CAP2: variants seen among roughly 807,000 people sequenced by gnomAD.
The protein encoded by CAP2 is cyclase associated actin cytoskeleton regulatory protein 2.
A neutral mutation model predicts 57.7 loss-of-function variants in CAP2; 24 were observed. The ratio of observed to expected loss-of-function variants is 0.42; its 90% CI spans 0.30 to 0.58. The LOEUF (loss-of-function observed/expected upper bound fraction) is 0.58. CAP2 is among the 20% of genes least tolerant of loss of function. CAP2 has a pLI of 0.22. For synonymous variants in CAP2, 194 were observed against 207.2 expected (o/e 0.94, Z 0.55); for missense variants, 501 against 590.3 (o/e 0.85, Z 1.57).
chr6:17,501,226 T>C (rs1461460920), intron 4 of CAP2, among the ~76,000 whole-genome samples: 1 of 152,216 alleles, frequency 6.6e-6, no homozygotes, highest in African/African-American at 2.4e-5. Context: ...TCGCCATTAC[T>C]TAAAAAGTAA....
chr6:17,410,714 C>T (rs748043289), intron 1 of CAP2, among the ~76,000 whole-genome samples: 34 of 151,992 alleles, frequency 2.2e-4, no homozygotes, highest in African/African-American at 3.1e-4. Context: ...ACCGCCACCA[C>T]GCCTGGTCAA....
chr6:17,413,019 G>C (rs938993478), intron 1 of CAP2, among the ~76,000 whole-genome samples: 1 of 152,138 alleles, frequency 6.6e-6, no homozygotes, highest in African/African-American at 2.4e-5. Context: ...GGTAGGACAC[G>C]TTTGGGACTT....
intron 4 of CAP2, among the ~76,000 whole-genome samples, chr6:17,482,642 T>C (rs1367109863): frequency 6.6e-6 from 1 of 152,122 alleles, no homozygotes; most frequent in Admixed American, 6.6e-5. Flanking sequence ...ATCTGGTGTT[T>C]CGTGGCTTGT....
At chr6:17,478,348 G>T (rs1396882245) in intron 4 of CAP2, among the ~76,000 whole-genome samples, 2 of 146,768 alleles carry the variant, frequency 1.4e-5, no homozygotes, top group Non-Finnish European at 3.0e-5. Context: ...GTCTCACTAG[G>T]TTGGCCAGGC....
chr6:17,504,961 A>G (rs1034167139), intron 4 of CAP2, among the ~76,000 whole-genome samples: 1 of 152,190 alleles, frequency 6.6e-6, no homozygotes, highest in Non-Finnish European at 1.5e-5. Flanking sequence ...AGCTTCTCAT[A>G]TCTTGAATGC....
At chr6:17,394,449 A>T (rs1362778134) in intron 1 of CAP2, among the ~76,000 whole-genome samples, 3 of 152,094 alleles carry the variant, frequency 2.0e-5, no homozygotes, top group Non-Finnish European at 4.4e-5. Flanking sequence ...CTTTATTCTC[A>T]TCAGAGTGGT....
At chr6:17,399,000 A>G (rs764372205) in intron 1 of CAP2, among the ~76,000 whole-genome samples, 1 of 152,094 alleles carries the variant, frequency 6.6e-6, no homozygotes, top group Non-Finnish European at 1.5e-5. Flanking sequence ...CCACCATTCT[A>G]CTTTCTGTCC....
intron 3 of CAP2, among the ~76,000 whole-genome samples, chr6:17,450,461 A>T (rs2113577362): frequency 6.6e-6 from 1 of 152,318 alleles, no homozygotes; most frequent in Non-Finnish European, 1.5e-5. Context: ...AGGTCACCTT[A>T]ACTGAAACCA....
At chr6:17,552,619 G>A (rs1217882239) in intron 12 of CAP2, among the ~76,000 whole-genome samples, 1 of 152,178 alleles carries the variant, frequency 6.6e-6, no homozygotes, top group Non-Finnish European at 1.5e-5. Context: ...GCGACAGAGT[G>A]AGACTCAGTC....
At chr6:17,426,232 T>G in intron 2 of CAP2, among the ~76,000 whole-genome samples, 1 of 112,270 alleles carries the variant, frequency 8.9e-6, no homozygotes, top group East Asian at 2.1e-4. Flanking sequence ...CCAGGTTTTC[T>G]TTTTTTTTTT....
At position 17,442,339 on chromosome 6, in the gene CAP2, C is replaced by G. The variant is rs564504143; in HGVS notation, c.222+15649C>G. On this transcript the variant is annotated intron_variant, in intron 3 of 12. Coordinates refer to ENST00000229922, the MANE Select transcript of CAP2 (RefSeq NM_006366.3). Reference sequence around the variant, plus strand: ...AATCTGCACATGATGATGTTCGCCGCCAGGAAACCTGTGGAGCACCTGCCC... The same window carrying G: ...AATCTGCACATGATGATGTTCGCCGGCAGGAAACCTGTGGAGCACCTGCCC... 3.0e-3 allele frequency among the ~76,000 whole-genome samples: 451 copies of G among 152,272 alleles called. 2 individuals carry two copies. The highest frequency in any genetic ancestry group is 9.8e-3 in the African/African-American group (406 of 41,546).
At chr6:17,408,331 C>G (rs925508706) in intron 1 of CAP2, among the ~76,000 whole-genome samples, 6 of 152,262 alleles carry the variant, frequency 3.9e-5, no homozygotes, top group Non-Finnish European at 7.3e-5. Context: ...CCTTGCCACT[C>G]TACAGCTCAC....
intron 1 of CAP2, among the ~76,000 whole-genome samples, chr6:17,397,337 G>C (rs1160636629): frequency 3.3e-5 from 5 of 151,836 alleles, no homozygotes; most frequent in South Asian, 4.2e-4. Context: ...TGGGATTACA[G>C]GCCTGAGCCA....
At chr6:17,458,898 AAAAG>A (rs948774566) in intron 3 of CAP2, among the ~76,000 whole-genome samples, 2 of 151,872 alleles carry the variant, frequency 1.3e-5, no homozygotes, top group Admixed American at 6.6e-5. Flanking sequence ...AAAAAAAAAA[AAAAG>A]AAAGAATTAA....
At chr6:17,418,425 G>A (rs999156506) in intron 1 of CAP2, among the ~76,000 whole-genome samples, 3 of 152,132 alleles carry the variant, frequency 2.0e-5, no homozygotes, top group Non-Finnish European at 2.9e-5. Flanking sequence ...CTTTTCGACT[G>A]CATTCCACAC....
At chr6:17,550,863 T>A (rs757154950) in intron 11 of CAP2, among the ~76,000 whole-genome samples, 4 of 152,176 alleles carry the variant, frequency 2.6e-5, no homozygotes, top group African/African-American at 7.2e-5. Context: ...CTGAAATGAA[T>A]ACATTTCAAA....
chr6:17,525,679 G>A (rs1377521781), intron 7 of CAP2, among the ~76,000 whole-genome samples: 2 of 152,130 alleles, frequency 1.3e-5, no homozygotes, highest in Admixed American at 1.3e-4. Flanking sequence ...CATGTTTCAG[G>A]CACTGTGCCA....
At position 17,471,603 on chromosome 6, in the gene CAP2, C is replaced by G. The variant is rs183677994; in HGVS notation, c.300+8530C>G. On this transcript the variant is annotated intron_variant, in intron 4 of 12. Coordinates refer to ENST00000229922, the MANE Select transcript of CAP2 (RefSeq NM_006366.3). Reference sequence around the variant, plus strand: ...ATCCCAGCACTTTGGGAGTCCGAGGCGGGCGGATCGCGAGGTCAGGAGATC... The same window carrying G: ...ATCCCAGCACTTTGGGAGTCCGAGGGGGGCGGATCGCGAGGTCAGGAGATC... 2.6e-3 allele frequency among the ~76,000 whole-genome samples: 388 copies of G among 152,142 alleles called. 2 individuals carry two copies. Among genetic ancestry groups the G allele is most frequent in the African/African-American group, 8.6e-3 (358 of 41,496 alleles).
At chr6:17,425,881 G>T (rs962329605) in intron 2 of CAP2, among the ~76,000 whole-genome samples, 3 of 152,154 alleles carry the variant, frequency 2.0e-5, no homozygotes, top group Non-Finnish European at 4.4e-5. Context: ...GATCACTTGA[G>T]CCCAGGAGTT....
Sources: allele counts gnomAD v4.1 joint callset (sites outside exome capture counted in the v4.1 genomes callset), GRCh38; gene constraint gnomAD v4.1.1; transcripts MANE v1.5; gene names NCBI Gene and HGNC (gene_info 2026-07-23, HGNC 2026-07-21).